ETNK1: variants seen among roughly 807,000 people sequenced by gnomAD.
ETNK1 encodes the protein putative protein product of Nbla10396.
Under a neutral mutation model 45.1 loss-of-function variants are expected in ETNK1, and 8 were observed. The observed-to-expected ratio is 0.18, with a 90% CI of 0.10 to 0.32. The LOEUF (loss-of-function observed/expected upper bound fraction) is 0.32, where lower values mean the gene tolerates loss of function less well. Among genes scored for constraint, ETNK1 ranks in the 10% least tolerant of loss-of-function variants. The probability of loss-of-function intolerance (pLI) is 1.00; values close to 1 mark genes in which losing one functional copy is unlikely to be tolerated. For synonymous variants in ETNK1, 152 were observed against 151.9 expected (o/e 1.00, Z -0.01); for missense variants, 302 against 430.6 (o/e 0.70, Z 2.64).
intron 5 of ETNK1, among the ~76,000 whole-genome samples, chr12:22,672,384 A>G (rs578064048): frequency 3.3e-5 from 5 of 152,164 alleles, no homozygotes; most frequent in Non-Finnish European, 5.9e-5. Context: ...ATATATTTAT[A>G]TATTTTTATA....
intron 1 of ETNK1, among the ~76,000 whole-genome samples, chr12:22,628,477 C>T (rs899481974): frequency 6.6e-6 from 1 of 152,066 alleles, no homozygotes; most frequent in South Asian, 2.1e-4. Flanking sequence ...CTTTCCTTCA[C>T]GAGTTACTTT....
At chr12:22,657,753 C>A (rs1350913656) in intron 2 of ETNK1, among the ~76,000 whole-genome samples, 4 of 152,134 alleles carry the variant, frequency 2.6e-5, no homozygotes, top group Admixed American at 2.6e-4. Context: ...TGTTCACTTA[C>A]TACTGAAGTG....
At chr12:22,668,253 A>C (rs1954073845) in intron 4 of ETNK1, among the ~76,000 whole-genome samples, 1 of 152,222 alleles carries the variant, frequency 6.6e-6, no homozygotes, top group South Asian at 2.1e-4. Flanking sequence ...TGAGATGATG[A>C]TCATGCTATA....
chr12:22,680,898 C>T (rs1447436563), intron 6 of ETNK1, among the ~76,000 whole-genome samples: 17 of 129,992 alleles, frequency 1.3e-4, no homozygotes, highest in South Asian at 2.8e-4. Context: ...CTTCCCCCGC[C>T]CCCCCCTCCA....
chr12:22,641,203 T>C (rs1190895659), intron 1 of ETNK1, among the ~76,000 whole-genome samples: 4 of 152,106 alleles, frequency 2.6e-5, no homozygotes, highest in Non-Finnish European at 5.9e-5. Context: ...TGGGGATTTG[T>C]CTGGTGATTT....
chr12:22,629,630 A>G (rs1171777785), intron 1 of ETNK1, among the ~76,000 whole-genome samples: 1 of 152,202 alleles, frequency 6.6e-6, no homozygotes, highest in Admixed American at 6.5e-5. Flanking sequence ...GTTCTGATAT[A>G]ATAATTGATT....
At position 22,657,780 on chromosome 12, in the gene ETNK1, T is replaced by C. The variant is rs1953959878; in HGVS notation, c.417-1234T>C. ...ACTGAAGTGAGTGATGCAGTTAGGA[T>C]TGAGATCAGCTCTGTAGTAATGACA... On this transcript the variant is annotated intron_variant, in intron 2 of 7. Transcript: ENST00000266517. 3.3e-5 allele frequency among the ~76,000 whole-genome samples: 5 copies of C among 152,152 alleles called. No individual in the cohort carries two copies. The South Asian group carries it at 1.0e-3, about 31-fold the overall frequency.
At chr12:22,659,288 T>C in intron 3 of ETNK1, 134 bp downstream of exon 3, 1 of 917,144 alleles carries the variant, frequency 1.1e-6, no homozygotes, top group Non-Finnish European at 1.6e-6. Context: ...TAAGCATTGA[T>C]TCTTTGGCTG....
intron 6 of ETNK1, among the ~76,000 whole-genome samples, chr12:22,677,764 C>T (rs10842049): frequency 0.23 from 34,789 of 152,020 alleles, 4,873 homozygotes; most frequent in Non-Finnish European, 0.33. Flanking sequence ...TAATTCTCTT[C>T]GCAGCAATTG....
intron 1 of ETNK1, among the ~76,000 whole-genome samples, chr12:22,634,744 G>C (rs1482748547): frequency 6.6e-6 from 1 of 151,960 alleles, no homozygotes; most frequent in African/African-American, 2.4e-5. Flanking sequence ...TTGTACAGAT[G>C]GGATTTCATC....
chr12:22,678,175 T>A (rs1954178750), intron 6 of ETNK1, among the ~76,000 whole-genome samples: 1 of 152,218 alleles, frequency 6.6e-6, no homozygotes, highest in Admixed American at 6.5e-5. Context: ...GCCTCTCGCA[T>A]CTCAAGCATT....
At chr12:22,672,501 T>C (rs1283828636) in intron 5 of ETNK1, among the ~76,000 whole-genome samples, 1 of 152,182 alleles carries the variant, frequency 6.6e-6, no homozygotes, top group Non-Finnish European at 1.5e-5. Flanking sequence ...GCTGTACATA[T>C]TTTTACGTAT....
rs773064963 is a variant in ETNK1, at chr12:22,661,025, T to A, written c.558-38T>A. ...AATCCTTAATCAAACTTGAAAAAAA[T>A]GTCACACAAGATATAACTCTTCTTT... On this transcript the variant is annotated intron_variant, in intron 3 of 7. Transcript: ENST00000266517. 19 of 1,566,148 alleles carry A rather than the reference T, an allele frequency of 1.2e-5. No homozygotes were observed. The African/African-American group carries it at 1.5e-4, about 13-fold the overall frequency.
chr12:22,642,715 G>A (rs899293801), intron 1 of ETNK1, among the ~76,000 whole-genome samples: 32 of 151,416 alleles, frequency 2.1e-4, no homozygotes, highest in African/African-American at 7.8e-4. Flanking sequence ...TAAAACTTCT[G>A]TTCTTTTTTT....
intron 6 of ETNK1, among the ~76,000 whole-genome samples, chr12:22,676,517 TATACCCAGTA>T: frequency 6.6e-6 from 1 of 152,182 alleles, no homozygotes; most frequent in South Asian, 2.1e-4. Flanking sequence ...CCTTTGGGTA[TATACCCAGTA>T]ATGGGATTCC....
At chr12:22,634,266 A>G (rs938795337) in intron 1 of ETNK1, among the ~76,000 whole-genome samples, 31 of 152,086 alleles carry the variant, frequency 2.0e-4, no homozygotes, top group Non-Finnish European at 1.5e-5. Context: ...TTTGAATGCT[A>G]AGTAACCTTT....
intron 2 of ETNK1, among the ~76,000 whole-genome samples, chr12:22,652,102 T>C (rs545815222): frequency 6.6e-6 from 1 of 152,322 alleles, no homozygotes; most frequent in African/African-American, 2.4e-5. Context: ...AGTGGAATCA[T>C]GTAATGTTTG....
At position 22,625,319 on chromosome 12, in the gene ETNK1, C is replaced by G. The variant is rs1025256571; in HGVS notation, c.-112C>G. On this transcript the variant is annotated 5_prime_UTR_variant, in exon 1 of 8. Transcript: ENST00000266517. ...GCCCGCCCGTCCCAGCGCCCCCAGC[C>G]CTCCCGCGAGGGCGCCCCGGGACGG... The G allele has an allele frequency of 1.2e-6, 2 of 1,600,586 alleles. No homozygotes were observed. Among genetic ancestry groups the G allele is most frequent in the Non-Finnish European group, 1.7e-6 (2 of 1,174,880 alleles).
intron 1 of ETNK1, among the ~76,000 whole-genome samples, chr12:22,627,852 C>G (rs1300462903): frequency 6.6e-6 from 1 of 151,520 alleles, no homozygotes; most frequent in East Asian, 1.9e-4. Context: ...ATTGATTATT[C>G]CTGCAAGCTG....
Sources: allele counts gnomAD v4.1 joint callset (sites outside exome capture counted in the v4.1 genomes callset), GRCh38; gene constraint gnomAD v4.1.1; transcripts MANE v1.5; gene names NCBI Gene and HGNC (gene_info 2026-07-23, HGNC 2026-07-21).